HLF: variants seen among roughly 807,000 people sequenced by gnomAD.
HLF encodes HLF transcription factor, PAR bZIP family member, also known as hepatic leukemia factor.
In HLF, 3 loss-of-function variants were observed where a neutral mutation model predicts 22.6. The observed-to-expected ratio is 0.13, with a 90% CI of 0.06 to 0.34. HLF has a LOEUF of 0.34. HLF is among the 10% of genes least tolerant of loss of function. HLF has a pLI of 1.00. For missense variants in HLF, 299 were observed against 389.2 expected, an observed-to-expected ratio of 0.77 and a Z score of 1.95; for synonymous variants, 151 against 151.8, an observed-to-expected ratio of 0.99 and a Z score of 0.04.
At chr17:55,293,856 A>T (rs2081088342) in intron 2 of HLF, among the ~76,000 whole-genome samples, 1 of 152,216 alleles carries the variant, frequency 6.6e-6, no homozygotes, top group African/African-American at 2.4e-5. Context: ...ACACGGTGAC[A>T]GATATGTACC....
chr17:55,318,349 C>G (rs1288262532), intron 3 of HLF, among the ~76,000 whole-genome samples: 1 of 152,178 alleles, frequency 6.6e-6, no homozygotes, highest in Non-Finnish European at 1.5e-5. Context: ...GCTCCCCTCC[C>G]TCCCACCTGA....
chr17:55,271,104 A>G (rs1357032204), intron 2 of HLF, among the ~76,000 whole-genome samples: 1 of 152,192 alleles, frequency 6.6e-6, no homozygotes, highest in Non-Finnish European at 1.5e-5. Flanking sequence ...CTCCCGGTGG[A>G]GAACCACTGG....
Position 55,324,395 on chromosome 17 carries a change from C to T in HLF, c.*3516C>T. On this transcript the variant is annotated 3_prime_UTR_variant, in exon 4 of 4. Coordinates refer to ENST00000226067, the MANE Select transcript of HLF (RefSeq NM_002126.5). ...CCTCCCCACTGCCCCCAGTGTAAAA[C>T]AATAGACATTCTGTGAAATGCAAAG... The T allele has an allele frequency of 4.3e-6, 1 of 231,070 alleles. No homozygotes were observed. The highest frequency in any genetic ancestry group is 8.6e-6 in the Non-Finnish European group (1 of 116,688). The allele number at this position is 231,070 out of a possible 1,614,324, so 14.3% of individuals were successfully genotyped here.
At chr17:55,295,859 G>T (rs898028387) in intron 2 of HLF, among the ~76,000 whole-genome samples, 1 of 152,202 alleles carries the variant, frequency 6.6e-6, no homozygotes, top group Non-Finnish European at 1.5e-5. Context: ...TGGAGGAGGA[G>T]GGGGAGGCCA....
chr17:55,290,790 C>G (rs913388668), intron 2 of HLF, among the ~76,000 whole-genome samples: 2 of 152,192 alleles, frequency 1.3e-5, no homozygotes, highest in Non-Finnish European at 2.9e-5. Context: ...AGGCCAAAAG[C>G]TAGGCTTCTT....
At chr17:55,319,469 C>T (rs1905187530) in intron 3 of HLF, among the ~76,000 whole-genome samples, 1 of 152,074 alleles carries the variant, frequency 6.6e-6, no homozygotes, top group Non-Finnish European at 1.5e-5. Flanking sequence ...CACCAGGTGC[C>T]ACCATCAGTG....
In HLF at chr17:55,320,248, C is replaced by T. The variant is rs1905218224; in HGVS notation, c.673-416C>T. Among the ~76,000 whole-genome samples, 1 of 152,156 alleles carries T rather than the reference C, an allele frequency of 6.6e-6. No homozygotes were observed. The highest frequency in any genetic ancestry group is 2.4e-5 in the African/African-American group (1 of 41,440). On this transcript the variant is annotated intron_variant, in intron 3 of 3. Coordinates refer to ENST00000226067, the MANE Select transcript of HLF (RefSeq NM_002126.5). This position sits in a 1 kb window ranked among gnomAD's most constrained non-coding sequence, Gnocchi z 4.2. Reference sequence around the variant, plus strand: ...ATAGTTGATAGATATTGCCAAATTGCCTTCTAAAATTTTTGTACCAACTCA... The same window carrying T: ...ATAGTTGATAGATATTGCCAAATTGTCTTCTAAAATTTTTGTACCAACTCA...
intron 2 of HLF, among the ~76,000 whole-genome samples, chr17:55,276,754 T>C (rs1407348584): frequency 6.6e-6 from 1 of 152,196 alleles, no homozygotes; most frequent in African/African-American, 2.4e-5. Context: ...GAGCTTGAAC[T>C]TTATCCAGTA....
chr17:55,318,867 C>G (rs1156884453), intron 3 of HLF: 1 of 152,382 alleles, frequency 6.6e-6, no homozygotes, highest in Admixed American at 6.5e-5. Flanking sequence ...ACTTTGGGCC[C>G]CCTCACCACC....
In HLF at chr17:55,323,728, G is replaced by A. The variant is rs1226218343; in HGVS notation, c.*2849G>A. 4.3e-6 allele frequency: 1 copy of A among 230,758 alleles called. No homozygotes were observed. The highest frequency in any genetic ancestry group is 8.6e-6 in the Non-Finnish European group (1 of 116,212). The allele number at this position is 230,758 out of a possible 1,614,324, so 14.3% of individuals were successfully genotyped here. On this transcript the variant is annotated 3_prime_UTR_variant, in exon 4 of 4. Transcript: ENST00000226067. Reference sequence around the variant, plus strand: ...AAGGCAGATCTGCTTCATGGAGCGGGAGGCCATGGCTTGACTCTGAGTGAT... The same window carrying A: ...AAGGCAGATCTGCTTCATGGAGCGGAAGGCCATGGCTTGACTCTGAGTGAT...
Position 55,268,052 on chromosome 17 carries a change from A to C in HLF, c.417A>C (p.Pro139=). The change falls in exon 2 of 4, where the codon CCA becomes CCC. Residue 139 remains proline, a synonymous_variant. Transcript: ENST00000226067. The stretch of plus-strand genomic sequence containing the variant: ...CTGCACCCCTTCACCCTGGCATCCC[A>C]TCTCCGAACTGTATGCAGAGCCCCA... ...RASAPLHPGI[P]SPNCMQSPIR... The C allele has an allele frequency of 6.3e-7, 1 of 1,592,186 alleles. No homozygotes were observed. The highest frequency in any genetic ancestry group is 2.2e-5 in the East Asian group (1 of 44,730).
intron 2 of HLF, among the ~76,000 whole-genome samples, chr17:55,269,264 A>G (rs1339763783): frequency 6.6e-6 from 1 of 152,170 alleles, no homozygotes. Context: ...CTTCTCCAAA[A>G]TTCACTTTGA....
intron 1 of HLF, among the ~76,000 whole-genome samples, chr17:55,267,299 C>A (rs1289704755): frequency 6.6e-6 from 1 of 152,230 alleles, no homozygotes; most frequent in Non-Finnish European, 1.5e-5. Flanking sequence ...ACCACTAACT[C>A]ACTGGCTTTG....
chr17:55,267,409 A>G (rs1052844273), intron 1 of HLF, among the ~76,000 whole-genome samples: 7 of 152,242 alleles, frequency 4.6e-5, no homozygotes, highest in African/African-American at 1.7e-4. Context: ...CAGCAGTTGT[A>G]TATAATCACA....
At chr17:55,300,627 A>C (rs933003148) in intron 2 of HLF, among the ~76,000 whole-genome samples, 1 of 152,180 alleles carries the variant, frequency 6.6e-6, no homozygotes, top group East Asian at 1.9e-4. Context: ...CCAGAAACCT[A>C]AAAGTGAATC....
At chr17:55,290,265 C>T (rs888112252) in intron 2 of HLF, among the ~76,000 whole-genome samples, 1 of 152,074 alleles carries the variant, frequency 6.6e-6, no homozygotes, top group Non-Finnish European at 1.5e-5. Context: ...AGCTGTACTT[C>T]GTTTTATCGG....
Position 55,311,577 on chromosome 17 carries a change from T to A in HLF, c.452-3650T>A, listed in dbSNP as rs556544764. On this transcript the variant is annotated intron_variant, in intron 2 of 3. Coordinates refer to ENST00000226067, the MANE Select transcript of HLF (RefSeq NM_002126.5). ...GATTGCCAACATTTAAAAAATCATA[T>A]TGTGTGACACGTGCACTCTTACAAA... 2.0e-5 allele frequency among the ~76,000 whole-genome samples: 3 copies of A among 152,240 alleles called. No individual in the cohort carries two copies. In the South Asian group the frequency reaches 6.2e-4, roughly 32 times the overall value.
chr17:55,314,267 A>G (rs375019273), intron 2 of HLF, among the ~76,000 whole-genome samples: 6 of 152,230 alleles, frequency 3.9e-5, no homozygotes, highest in African/African-American at 1.4e-4. Flanking sequence ...TTTTGCCTGT[A>G]GGACCCTCAA....
intron 2 of HLF, among the ~76,000 whole-genome samples, chr17:55,309,449 T>A (rs946046411): frequency 6.6e-6 from 1 of 152,182 alleles, no homozygotes; most frequent in Non-Finnish European, 1.5e-5. Context: ...TAATCCCTGA[T>A]GATGGTATCA....
Sources: allele counts gnomAD v4.1 joint callset (sites outside exome capture counted in the v4.1 genomes callset), GRCh38; gene constraint gnomAD v4.1.1; non-coding constraint Gnocchi (gnomAD v3.1); transcripts MANE v1.5; gene names NCBI Gene and HGNC (gene_info 2026-07-23, HGNC 2026-07-21).